Variants in P2RX5 observed in about 807,000 individuals in gnomAD.
P2RX5 encodes purinergic receptor P2X 5, also known as P2X purinoceptor 5.
A neutral mutation model predicts 54.1 loss-of-function variants in P2RX5; 46 were observed. That is an observed-to-expected ratio of 0.85 (90% confidence interval 0.67 to 1.09). The LOEUF is 1.09. Among genes scored for constraint, P2RX5 ranks in the 50% least tolerant of loss-of-function variants. P2RX5 has a pLI of 0.00. For missense variants in P2RX5, 566 were observed against 549.8 expected, an observed-to-expected ratio of 1.03 and a Z score of -0.29; for synonymous variants, 226 against 226.4, an observed-to-expected ratio of 1.00 and a Z score of 0.02.
At position 3,683,258 on chromosome 17, in the gene P2RX5, G is replaced by T. The variant is rs151154928; in HGVS notation, c.982-1280C>A. Among the ~76,000 whole-genome samples the T allele has an allele frequency of 5.0e-4, 76 of 152,228 alleles. 1 individual carries two copies. Among genetic ancestry groups the T allele is most frequent in the African/African-American group, 1.8e-3 (75 of 41,512 alleles). ...GTGGAGGGGCCAACAAGGAATCTTG[G>T]TCCCCTGACCCTGGGTGCTGCACAT... On this transcript the variant is annotated intron_variant, in intron 9 of 11. Coordinates refer to ENST00000225328, the MANE Select transcript of P2RX5 (RefSeq NM_002561.4).
At chr17:3,707,796 C>G in the P2RX5 span, among the ~76,000 whole-genome samples, 4 of 151,976 alleles carry the variant, frequency 2.6e-5, no homozygotes, top group African/African-American at 9.7e-5. Flanking sequence ...CGGTGGCTCA[C>G]GCCTGTAATC....
At chr17:3,700,846 C>T (rs1261635818), upstream of P2RX5, among the ~76,000 whole-genome samples, 2 of 152,162 alleles carry the variant, frequency 1.3e-5, no homozygotes, top group African/African-American at 4.8e-5. Context: ...TGCCTCTCAT[C>T]CTGTGACATG....
At chr17:3,720,460 G>T in the P2RX5 span, 1 of 807,042 alleles carries the variant, frequency 1.2e-6, no homozygotes, top group Non-Finnish European at 2.2e-6. Flanking sequence ...TGAACTCACT[G>T]TGTTTGAACA....
chr17:3,690,027 G>A (rs1011239551), intron 6 of P2RX5, 43 bp downstream of exon 6: 2 of 1,573,028 alleles, frequency 1.3e-6, no homozygotes, highest in African/African-American at 1.3e-5. Flanking sequence ...GCCCCTCATC[G>A]ACCAAGGCCC....
the P2RX5 span, chr17:3,716,868 T>A: frequency 1.1e-6 from 1 of 875,290 alleles, no homozygotes; most frequent in African/African-American, 1.7e-5. Context: ...ACATGTTATT[T>A]TAAGGAGCAA....
chr17:3,689,907 C>T (rs901266504), intron 6 of P2RX5, among the ~76,000 whole-genome samples, 163 bp downstream of exon 6: 1 of 151,708 alleles, frequency 6.6e-6, no homozygotes, highest in Non-Finnish European at 1.5e-5. Context: ...CGCACACATG[C>T]ACACAGACAC....
At chr17:3,720,191 A>G in the P2RX5 span, 2 of 604,484 alleles carry the variant, frequency 3.3e-6, no homozygotes, top group South Asian at 4.0e-5. Context: ...TGGCAGAGCC[A>G]AGATCAGAAG....
At chr17:3,679,475 C>T in intron 11 of P2RX5, 115 bp downstream of exon 11, 1 of 906,960 alleles carries the variant, frequency 1.1e-6, no homozygotes. Flanking sequence ...GCCTTGTGGC[C>T]AGCTCACACC....
At chr17:3,697,102 C>T (rs1297798812), upstream of P2RX5, among the ~76,000 whole-genome samples, 1 of 131,718 alleles carries the variant, frequency 7.6e-6, no homozygotes, top group African/African-American at 2.8e-5. Flanking sequence ...GTGCCGGCAG[C>T]ATGAAGACCT....
At chr17:3,722,128 G>A in the P2RX5 span, among the ~76,000 whole-genome samples, 6 of 151,598 alleles carry the variant, frequency 4.0e-5, no homozygotes, top group African/African-American at 4.8e-5. Context: ...GCAGTGAGCC[G>A]AGATCGTGCC....
At position 3,673,407 on chromosome 17, in the gene P2RX5, A is replaced by G; in HGVS notation, c.*461T>C. On this transcript the variant is annotated 3_prime_UTR_variant, in exon 12 of 12. Coordinates refer to ENST00000225328, the MANE Select transcript of P2RX5 (RefSeq NM_002561.4). ...GAGAGAGAGTACTTGGATCCACTGGAGAGTATGCTCTGAGGGAAGCTGCGG... is the reference window on the plus strand; with the variant it reads ...GAGAGAGAGTACTTGGATCCACTGGGGAGTATGCTCTGAGGGAAGCTGCGG... 2 of 1,060,100 alleles carry G rather than the reference A, an allele frequency of 1.9e-6. No homozygotes were observed. Among genetic ancestry groups the G allele is most frequent in the Non-Finnish European group, 2.3e-6 (2 of 874,444 alleles). 65.7% of individuals were successfully genotyped at this position (1,060,100 alleles called of 1,614,324 possible).
In P2RX5 at chr17:3,676,904, C is replaced by T. The variant is rs183756766; in HGVS notation, c.1259+2686G>A. 8.5e-5 allele frequency among the ~76,000 whole-genome samples: 13 copies of T among 152,168 alleles called. No homozygotes were observed. In the South Asian group the frequency reaches 1.4e-3, roughly 17 times the overall value. On this transcript the variant is annotated intron_variant, in intron 11 of 11. Coordinates refer to ENST00000225328, the MANE Select transcript of P2RX5 (RefSeq NM_002561.4). Reference sequence around the variant, plus strand: ...TGGTGAAACCCCATCTCTGCTAAAACTACAAAAATTAGCCGGGCATGGTGG... The same window carrying T: ...TGGTGAAACCCCATCTCTGCTAAAATTACAAAAATTAGCCGGGCATGGTGG...
chr17:3,709,517 C>T, the P2RX5 span, among the ~76,000 whole-genome samples: 1 of 152,172 alleles, frequency 6.6e-6, no homozygotes, highest in African/African-American at 2.4e-5. Context: ...GGCACAGTGG[C>T]ACATGCCCTT....
chr17:3,715,073 T>C, the P2RX5 span: 1 of 617,252 alleles, frequency 1.6e-6, no homozygotes, highest in South Asian at 2.0e-5. Flanking sequence ...TCCCTTCTCC[T>C]AACTTACTCT....
intron 11 of P2RX5, chr17:3,677,484 C>G: frequency 3.0e-6 from 3 of 985,456 alleles, no homozygotes; most frequent in Non-Finnish European, 3.6e-6. Flanking sequence ...GCCTCCATGG[C>G]CACCTTTAAA....
the P2RX5 span, among the ~76,000 whole-genome samples, chr17:3,711,744 G>A: frequency 6.6e-6 from 1 of 151,900 alleles, no homozygotes; most frequent in Non-Finnish European, 1.5e-5. Flanking sequence ...GCCCAGGCTG[G>A]AGTGCAGTGG....
chr17:3,706,008 G>A, the P2RX5 span, among the ~76,000 whole-genome samples: 4 of 151,844 alleles, frequency 2.6e-5, no homozygotes, highest in Non-Finnish European at 5.9e-5. Flanking sequence ...AGGCTGGAGT[G>A]CAGTGGCACA....
the P2RX5 span, among the ~76,000 whole-genome samples, chr17:3,715,318 C>T: frequency 2.6e-5 from 4 of 152,166 alleles, no homozygotes; most frequent in Non-Finnish European, 4.4e-5. Flanking sequence ...CTACATCAAG[C>T]TCATCATCTA....
chr17:3,688,499 C>A, intron 8 of P2RX5, 127 bp downstream of exon 8: 1 of 1,019,404 alleles, frequency 9.8e-7, no homozygotes, highest in Non-Finnish European at 1.6e-6. Context: ...CTCTCCTGGG[C>A]CATCTGTCCC....
Sources: allele counts gnomAD v4.1 joint callset (sites outside exome capture counted in the v4.1 genomes callset), GRCh38; gene constraint gnomAD v4.1.1; transcripts MANE v1.5; gene names NCBI Gene and HGNC (gene_info 2026-07-23, HGNC 2026-07-21).